The following RAB38 variants were observed in gnomAD, a reference collection of about 807,000 sequenced individuals.
RAB38 encodes ras-related protein Rab-38.
A neutral mutation model predicts 18.4 loss-of-function variants in RAB38; 15 were observed. The ratio of observed to expected loss-of-function variants is 0.82; its 90% CI spans 0.55 to 1.26. The LOEUF (loss-of-function observed/expected upper bound fraction) is 1.26, where lower values mean the gene tolerates loss of function less well. Ranked by LOEUF, RAB38 falls within the 50% of genes most tolerant of loss-of-function variation. RAB38 has a pLI of 0.00. For missense variants in RAB38, 294 were observed against 267.4 expected, an observed-to-expected ratio of 1.10 and a Z score of -0.69; for synonymous variants, 101 against 104.4, an observed-to-expected ratio of 0.97 and a Z score of 0.20.
At chr11:87,830,235 C>T in the RAB38 span, among the ~76,000 whole-genome samples, 94 of 152,186 alleles carry the variant, frequency 6.2e-4, no homozygotes, top group African/African-American at 2.2e-3. Flanking sequence ...AATCCCAGAA[C>T]TTAGGAGGCT....
chr11:87,849,162 G>A, the RAB38 span, among the ~76,000 whole-genome samples: 3 of 152,074 alleles, frequency 2.0e-5, no homozygotes, highest in Admixed American at 2.0e-4. Context: ...TTGGTACATT[G>A]GTACAAAACT....
chr11:88,073,530 G>A, the RAB38 span, among the ~76,000 whole-genome samples: 10 of 152,098 alleles, frequency 6.6e-5, no homozygotes, highest in Admixed American at 1.3e-4. Flanking sequence ...GGTAAATTAC[G>A]AAGAACCTCT....
At chr11:88,046,226 T>A in the RAB38 span, among the ~76,000 whole-genome samples, 1 of 152,208 alleles carries the variant, frequency 6.6e-6, no homozygotes, top group Non-Finnish European at 1.5e-5. Flanking sequence ...ATCACTGGCC[T>A]GCTACAGCAT....
chr11:88,089,597 C>T, the RAB38 span, among the ~76,000 whole-genome samples: 1 of 151,918 alleles, frequency 6.6e-6, no homozygotes, highest in Non-Finnish European at 1.5e-5. Context: ...TCGCCACATA[C>T]TTTTTCCTGT....
chr11:88,034,613 T>C, the RAB38 span, among the ~76,000 whole-genome samples: 1 of 152,248 alleles, frequency 6.6e-6, no homozygotes, highest in South Asian at 2.1e-4. Flanking sequence ...GTTGAACATA[T>C]TATCATGTGC....
rs74569768 is a variant in RAB38, at chr11:88,143,762, T to G, written c.483+5913A>C. On this transcript the variant is annotated intron_variant, in intron 2 of 2. Transcript: ENST00000243662. ...AAAATATGAACCATGCAGAATAGAA[T>G]GACATATGCAACACCCTGCCTTCTA... Among the ~76,000 whole-genome samples the G allele has an allele frequency of 4.5e-3, 688 of 152,318 alleles. 2 individuals carry two copies. Among genetic ancestry groups the G allele is most frequent in the African/African-American group, 0.016 (655 of 41,564 alleles).
chr11:87,823,555 A>G, the RAB38 span, among the ~76,000 whole-genome samples: 1 of 152,218 alleles, frequency 6.6e-6, no homozygotes, highest in African/African-American at 2.4e-5. Context: ...ATTATCTAAC[A>G]TAAGAATAGA....
chr11:87,898,212 G>A, the RAB38 span, among the ~76,000 whole-genome samples: 3 of 151,600 alleles, frequency 2.0e-5, no homozygotes, highest in Admixed American at 1.3e-4. Context: ...TAGGCAGCAT[G>A]ATCTCCAGTC....
chr11:87,951,502 GT>G, the RAB38 span, among the ~76,000 whole-genome samples: 32,072 of 148,934 alleles, frequency 0.22, 4,139 homozygotes, highest in African/African-American at 0.35. Flanking sequence ...TTTCTGCTCT[GT>G]TTTTTTTTTC....
chr11:87,931,727 A>G, the RAB38 span, among the ~76,000 whole-genome samples: 1 of 152,146 alleles, frequency 6.6e-6, no homozygotes, highest in African/African-American at 2.4e-5. Context: ...TAACAAGTGT[A>G]TTAAGAACTT....
chr11:87,884,866 A>C, the RAB38 span, among the ~76,000 whole-genome samples: 30 of 152,058 alleles, frequency 2.0e-4, no homozygotes, highest in Non-Finnish European at 2.4e-4. Flanking sequence ...CAGTTCGGCA[A>C]AATCCCCAGA....
the RAB38 span, among the ~76,000 whole-genome samples, chr11:87,842,694 C>T: frequency 6.6e-6 from 1 of 151,978 alleles, no homozygotes; most frequent in Non-Finnish European, 1.5e-5. Context: ...CTATTTTAAC[C>T]TGACTTTCCT....
At chr11:88,069,101 C>G in the RAB38 span, among the ~76,000 whole-genome samples, 1 of 152,138 alleles carries the variant, frequency 6.6e-6, no homozygotes, top group South Asian at 2.1e-4. Context: ...CGGGCCAGGG[C>G]GAGCTCCCGG....
chr11:88,134,542 C>T (rs754389021), intron 2 of RAB38, among the ~76,000 whole-genome samples: 12 of 152,160 alleles, frequency 7.9e-5, no homozygotes, highest in Non-Finnish European at 1.8e-4. Flanking sequence ...ATCACCTGGC[C>T]GCCAATTCTA....
At chr11:87,909,606 C>G in the RAB38 span, among the ~76,000 whole-genome samples, 1 of 152,148 alleles carries the variant, frequency 6.6e-6, no homozygotes, top group East Asian at 1.9e-4. Flanking sequence ...CTATCAAACT[C>G]AAATGTTTCT....
At chr11:87,927,615 C>T in the RAB38 span, among the ~76,000 whole-genome samples, 3 of 151,906 alleles carry the variant, frequency 2.0e-5, no homozygotes, top group African/African-American at 7.3e-5. Context: ...TCTAGTATAA[C>T]CTAGTATACT....
chr11:88,039,281 CTT>C, the RAB38 span, among the ~76,000 whole-genome samples: 1 of 151,584 alleles, frequency 6.6e-6, no homozygotes, highest in East Asian at 1.9e-4. Flanking sequence ...TCATGTGAGT[CTT>C]TTTTGTATGA....
chr11:88,163,809 A>G (rs1943215604), intron 1 of RAB38, among the ~76,000 whole-genome samples: 1 of 152,148 alleles, frequency 6.6e-6, no homozygotes, highest in Non-Finnish European at 1.5e-5. Flanking sequence ...GTATGTGAAA[A>G]TGAGTACTAA....
chr11:87,921,429 A>G, the RAB38 span, among the ~76,000 whole-genome samples: 1 of 151,830 alleles, frequency 6.6e-6, no homozygotes. Context: ...GAGCATGTTC[A>G]AGGTAGGCTC....
Sources: gnomAD v4.1 joint callset for allele counts (sites outside exome capture counted in the v4.1 genomes callset) on GRCh38, gnomAD v4.1.1 for gene constraint, MANE v1.5 for transcripts, NCBI Gene and HGNC (gene_info 2026-07-23, HGNC 2026-07-21) for gene names.